Variants in SGPP1 observed in about 807,000 individuals in gnomAD.
SGPP1 encodes the protein sphingosine-1-phosphate phosphatase 1, also known as hSPP1.
SGPP1 carries 21 observed loss-of-function variants against 33.0 expected under a neutral mutation model. That is an observed-to-expected ratio of 0.64 (90% CI 0.45 to 0.92). SGPP1 has a LOEUF of 0.92. Ranked by LOEUF, SGPP1 falls within the 40% of genes least tolerant of loss-of-function variation. SGPP1 has a pLI of 0.00. For missense variants in SGPP1, 543 were observed against 589.4 expected (o/e 0.92, Z 0.81); for synonymous variants, 239 against 241.2 (o/e 0.99, Z 0.08).
In SGPP1 at chr14:63,727,834, T is replaced by G. The variant is rs1023743518; in HGVS notation, c.111A>C (p.Ala37=). ...CGVEAPPRRS[A]DRREDEKAEA... is the part of the protein sequence containing the mutation. Reference sequence around the variant, plus strand: ...CCGCTTTCTCATCCTCCCTCCGGTCTGCTGAGCGGCGCGGCGGCGCTTCCA... The same window carrying G: ...CCGCTTTCTCATCCTCCCTCCGGTCGGCTGAGCGGCGCGGCGGCGCTTCCA... Residue 37 remains alanine, a synonymous_variant, in exon 1 of 3, where the codon GCA becomes GCC. Transcript: ENST00000247225. The G allele has an allele frequency of 4.5e-5, 68 of 1,511,496 alleles. 1 individual carries two copies. The African/African-American group carries it at 8.6e-4, about 19-fold the overall frequency. 93.6% of individuals were successfully genotyped at this position (1,511,496 alleles called of 1,614,324 possible). A position where few individuals can be genotyped will look rare whatever the true frequency, so the allele number is the denominator to read the frequency against.
Position 63,725,238 on chromosome 14 carries a change from G to T in SGPP1, c.684+2023C>A, listed in dbSNP as rs576493159. Among the ~76,000 whole-genome samples the T allele has an allele frequency of 3.3e-5, 5 of 152,192 alleles. 1 individual carries two copies. Among genetic ancestry groups the T allele is most frequent in the African/African-American group, 1.2e-4 (5 of 41,534 alleles). On this transcript the variant is annotated intron_variant, in intron 1 of 2. Coordinates refer to ENST00000247225, the MANE Select transcript of SGPP1 (RefSeq NM_030791.4). Reference sequence around the variant, plus strand: ...AAATCCTTAAAAAATTAGCTGGTGTGGTGGTAGGCGCCTGTAATCCCAGCT... The same window carrying T: ...AAATCCTTAAAAAATTAGCTGGTGTTGTGGTAGGCGCCTGTAATCCCAGCT...
At chr14:63,724,421 A>G (rs1377309631) in intron 1 of SGPP1, among the ~76,000 whole-genome samples, 1 of 152,048 alleles carries the variant, frequency 6.6e-6, no homozygotes, top group Non-Finnish European at 1.5e-5. Context: ...GAGGCACAGC[A>G]GATAGGCAAG....
At chr14:63,691,768 T>G (rs1286237575) in intron 2 of SGPP1, among the ~76,000 whole-genome samples, 1 of 152,160 alleles carries the variant, frequency 6.6e-6, no homozygotes, top group Non-Finnish European at 1.5e-5. Flanking sequence ...TGAAAACAAT[T>G]GCATTACACT....
chr14:63,721,125 C>T (rs1035003429), intron 1 of SGPP1, among the ~76,000 whole-genome samples: 3 of 152,174 alleles, frequency 2.0e-5, no homozygotes, highest in Admixed American at 6.5e-5. Context: ...TCAGGCGATC[C>T]GTTCGTCTCG....
chr14:63,714,699 G>T (rs960984373), intron 1 of SGPP1, among the ~76,000 whole-genome samples: 21 of 151,948 alleles, frequency 1.4e-4, no homozygotes, highest in Non-Finnish European at 2.9e-5. Context: ...GGGATTACAG[G>T]CATGTGCCAC....
chr14:63,687,337 G>T (rs571787584), intron 2 of SGPP1, among the ~76,000 whole-genome samples: 14 of 152,248 alleles, frequency 9.2e-5, no homozygotes, highest in Admixed American at 7.2e-4. Context: ...GCTACTTGGG[G>T]ATGGAGGCAT....
intron 1 of SGPP1, among the ~76,000 whole-genome samples, chr14:63,726,173 G>A (rs775417186): frequency 1.3e-5 from 2 of 152,200 alleles, no homozygotes; most frequent in Non-Finnish European, 2.9e-5. Context: ...TTTAATGTGG[G>A]ATAAGTAAGC....
At chr14:63,701,918 C>CAAAA (rs549492142) in intron 1 of SGPP1, among the ~76,000 whole-genome samples, 1,350 of 53,996 alleles carry the variant, frequency 0.025, 23 homozygotes, top group African/African-American at 0.062. Context: ...CTGTTGACAG[C>CAAAA]AAAAAAAAAA....
At chr14:63,690,345 G>A (rs1595061173) in intron 2 of SGPP1, among the ~76,000 whole-genome samples, 1 of 152,188 alleles carries the variant, frequency 6.6e-6, no homozygotes, top group Non-Finnish European at 1.5e-5. Flanking sequence ...GACCGGCTGG[G>A]CTATTTCTTT....
chr14:63,705,321 G>C (rs934774497), intron 1 of SGPP1, among the ~76,000 whole-genome samples: 45 of 148,852 alleles, frequency 3.0e-4, no homozygotes, highest in Non-Finnish European at 3.1e-4. Flanking sequence ...AATGGGCAAA[G>C]GACCTGAATA....
intron 1 of SGPP1, among the ~76,000 whole-genome samples, chr14:63,706,431 C>A (rs1024902010): frequency 6.6e-6 from 1 of 152,030 alleles, no homozygotes; most frequent in Non-Finnish European, 1.5e-5. Context: ...GTAAGTTTTA[C>A]CCCAAGTTAA....
Position 63,727,352 on chromosome 14 carries a change from T to C in SGPP1, c.593A>G (p.Tyr198Cys). 6.2e-7 allele frequency: 1 copy of C among 1,614,130 alleles called. No individual in the cohort carries two copies. The highest frequency in any genetic ancestry group is 8.5e-7 in the Non-Finnish European group (1 of 1,180,030). The change falls in exon 1 of 3, where the codon TAC becomes TGC. Residue 198 changes from tyrosine (Y) to cysteine (C), a missense_variant. By Grantham distance (194) the Tyr-to-Cys change is radical (BLOSUM62 -2). Transcript: ENST00000247225. ...GGAGGGCATGCTGTACTCAGAGTTG[T>C]AGAAGACCTCCAACTTGACCACGGG... ...SPPVVKLEVFYNSEYSMPSTH... is the reference protein window; with the variant it reads ...SPPVVKLEVFCNSEYSMPSTH...
chr14:63,713,211 T>C (rs1288952604), intron 1 of SGPP1, among the ~76,000 whole-genome samples: 6 of 152,200 alleles, frequency 3.9e-5, no homozygotes, highest in African/African-American at 1.4e-4. Flanking sequence ...CTCCATGCCG[T>C]TGCCACTTTC....
At chr14:63,687,904 T>C (rs1000814051) in intron 2 of SGPP1, among the ~76,000 whole-genome samples, 2 of 152,078 alleles carry the variant, frequency 1.3e-5, no homozygotes, top group South Asian at 2.1e-4. Flanking sequence ...GTGGATCACC[T>C]GAGGTCAAGA....
chr14:63,726,323 G>C (rs115593858), intron 1 of SGPP1, among the ~76,000 whole-genome samples: 2,767 of 152,204 alleles, frequency 0.018, 81 homozygotes, highest in African/African-American at 0.063. Context: ...TAAGGGACTG[G>C]TCTGCAGGAT....
intron 1 of SGPP1, among the ~76,000 whole-genome samples, chr14:63,709,685 A>C (rs976073526): frequency 1.3e-5 from 2 of 152,210 alleles, no homozygotes; most frequent in Non-Finnish European, 2.9e-5. Flanking sequence ...TAGAGTAGAA[A>C]GTAAAAATTA....
At chr14:63,698,501 T>A in intron 2 of SGPP1, 68 bp downstream of exon 2, 1 of 894,660 alleles carries the variant, frequency 1.1e-6, no homozygotes, top group Non-Finnish European at 1.7e-6. Flanking sequence ...TGCAAATGAT[T>A]AAAAATTATA....
intron 1 of SGPP1, among the ~76,000 whole-genome samples, chr14:63,709,388 A>G (rs1885480130): frequency 6.6e-6 from 1 of 152,076 alleles, no homozygotes; most frequent in Non-Finnish European, 1.5e-5. Flanking sequence ...AAAAAAAAAA[A>G]AACCATTAAT....
chr14:63,685,790 C>T lies in SGPP1; in HGVS notation c.*315G>A, dbSNP rs1423471342. 1 of 148,782 alleles carries T rather than the reference C, an allele frequency of 6.7e-6. No homozygotes were observed. The highest frequency in any genetic ancestry group is 1.5e-5 in the Non-Finnish European group (1 of 67,448). The allele number at this position is 148,782 out of a possible 1,614,324, so 9.2% of individuals were successfully genotyped here. ...ATATTATTTTATATATAATATATATCAGATATATAATTGCATATTATGTAC... is the reference window on the plus strand; with the variant it reads ...ATATTATTTTATATATAATATATATTAGATATATAATTGCATATTATGTAC... On this transcript the variant is annotated 3_prime_UTR_variant, in exon 3 of 3. Coordinates refer to ENST00000247225, the MANE Select transcript of SGPP1 (RefSeq NM_030791.4).
Sources: allele counts gnomAD v4.1 joint callset (sites outside exome capture counted in the v4.1 genomes callset), GRCh38; gene constraint gnomAD v4.1.1; transcripts MANE v1.5; gene names NCBI Gene and HGNC (gene_info 2026-07-23, HGNC 2026-07-21).